Variants in RSF1 observed in about 807,000 individuals in gnomAD.
The protein encoded by RSF1 is HBV pX-associated protein 8.
A neutral mutation model predicts 145.2 loss-of-function variants in RSF1; 13 were observed. The ratio of observed to expected loss-of-function variants is 0.09; its 90% CI spans 0.06 to 0.14. The LOEUF (loss-of-function observed/expected upper bound fraction) is 0.14, where lower values mean the gene tolerates loss of function less well. Ranked by LOEUF, RSF1 falls within the 10% of genes least tolerant of loss-of-function variation. The pLI is 1.00. For missense variants in RSF1, 1,517 were observed against 1,718.2 expected (o/e 0.88, Z 2.07); for synonymous variants, 577 against 592.6 (o/e 0.97, Z 0.38).
Position 77,701,428 on chromosome 11 carries a change from G to C in RSF1, c.1801C>G (p.Gln601Glu). ...TCTTCTGGTATTGGACTCAATCTTTGTGCGTCCTTATCAAGAAAAGTCTTT... is the reference window on the plus strand; with the variant it reads ...TCTTCTGGTATTGGACTCAATCTTTCTGCGTCCTTATCAAGAAAAGTCTTT... ...SKKTFLDKDA[Q>E]RLSPIPEEVP... The change falls in exon 6 of 16, where the codon CAA (glutamine) becomes GAA (glutamate). Residue 601 changes from glutamine (Q) to glutamate (E), a missense_variant. Gln to Glu is a conservative substitution (Grantham distance 29). Transcript: ENST00000308488. 1 of 1,614,070 alleles carries C rather than the reference G, an allele frequency of 6.2e-7. No homozygotes were observed. The highest frequency in any genetic ancestry group is 8.5e-7 in the Non-Finnish European group (1 of 1,179,980).
upstream of RSF1, among the ~76,000 whole-genome samples, chr11:77,825,746 C>T (rs553123152): frequency 6.6e-6 from 1 of 150,682 alleles, no homozygotes; most frequent in Non-Finnish European, 1.5e-5. Context: ...GGCTGGAGTG[C>T]AGTGGCACGA....
chr11:77,687,481 A>T (rs1960041031), intron 9 of RSF1, among the ~76,000 whole-genome samples: 1 of 152,052 alleles, frequency 6.6e-6, no homozygotes, highest in Non-Finnish European at 1.5e-5. Context: ...AACCTTGGGT[A>T]GATCACTTGA....
intron 7 of RSF1, among the ~76,000 whole-genome samples, chr11:77,697,381 T>C (rs66472445): frequency 0.18 from 26,724 of 149,474 alleles, 3,050 homozygotes; most frequent in African/African-American, 0.31. Context: ...CACAGGTGCA[T>C]AGAATTAGGT....
intron 10 of RSF1, 62 bp from the exon 11 acceptor site, chr11:77,683,881 TA>T: frequency 7.7e-7 from 1 of 1,296,254 alleles, no homozygotes; most frequent in South Asian, 1.3e-5. Flanking sequence ...TTCCTTGGGA[TA>T]AACAGTTTTG....
intron 1 of RSF1, among the ~76,000 whole-genome samples, chr11:77,806,488 C>A: frequency 6.6e-6 from 1 of 151,998 alleles, no homozygotes; most frequent in East Asian, 1.9e-4. Flanking sequence ...CCAGCCTGGG[C>A]TACATAGCAA....
At chr11:77,803,315 T>C (rs1948644861) in intron 1 of RSF1, among the ~76,000 whole-genome samples, 1 of 151,932 alleles carries the variant, frequency 6.6e-6, no homozygotes, top group Admixed American at 6.6e-5. Flanking sequence ...ACCCAGCTAA[T>C]TTTTTTATTT....
chr11:77,852,239 A>AAAAAAAAAAAAAAAAAAT, the RSF1 span, among the ~76,000 whole-genome samples: 1 of 133,828 alleles, frequency 7.5e-6, no homozygotes, highest in African/African-American at 2.8e-5. Context: ...AAAAAAAAAA[A>AAAAAAAAAAAAAAAAAAT]AAGAAGAAGA....
intron 2 of RSF1, among the ~76,000 whole-genome samples, chr11:77,757,535 G>A (rs562223036): frequency 1.3e-5 from 2 of 152,194 alleles, no homozygotes; most frequent in East Asian, 3.9e-4. Context: ...AAAATTGGTT[G>A]GGCGAGGTGG....
the RSF1 span, among the ~76,000 whole-genome samples, chr11:77,837,797 C>G: frequency 6.6e-6 from 1 of 152,050 alleles, no homozygotes; most frequent in African/African-American, 2.4e-5. Context: ...TGGCTCATGC[C>G]TATAATGCAA....
At chr11:77,846,167 T>C in the RSF1 span, among the ~76,000 whole-genome samples, 1 of 152,224 alleles carries the variant, frequency 6.6e-6, no homozygotes, top group South Asian at 2.1e-4. Flanking sequence ...GCTTCTGAGG[T>C]CTGCTAATTT....
upstream of RSF1, among the ~76,000 whole-genome samples, chr11:77,821,803 T>C (rs569542391): frequency 1.3e-5 from 2 of 152,274 alleles, no homozygotes; most frequent in South Asian, 4.1e-4. Flanking sequence ...ATGTGCAGCC[T>C]GAGAAGCAGC....
chr11:77,738,297 T>C (rs1961416885), intron 4 of RSF1, among the ~76,000 whole-genome samples: 1 of 152,182 alleles, frequency 6.6e-6, no homozygotes, highest in African/African-American at 2.4e-5. Context: ...AATGTAACTC[T>C]CAGAAAAATT....
At chr11:77,831,481 CTT>C in the RSF1 span, among the ~76,000 whole-genome samples, 1 of 152,152 alleles carries the variant, frequency 6.6e-6, no homozygotes, top group East Asian at 1.9e-4. Flanking sequence ...TTGGCTACTC[CTT>C]GAAATTCTTA....
chr11:77,695,604 T>C (rs1960260866), intron 7 of RSF1, among the ~76,000 whole-genome samples: 1 of 152,180 alleles, frequency 6.6e-6, no homozygotes, highest in Admixed American at 6.5e-5. Flanking sequence ...AGTACTTCCT[T>C]ACTTTCTGGC....
At chr11:77,740,141 C>A (rs1354767182) in intron 4 of RSF1, among the ~76,000 whole-genome samples, 2 of 151,998 alleles carry the variant, frequency 1.3e-5, no homozygotes, top group African/African-American at 4.8e-5. Flanking sequence ...TTTGGGAGGC[C>A]GAGGCGGGTA....
At chr11:77,850,684 AATACATTT>A in the RSF1 span, 31 of 152,300 alleles carry the variant, frequency 2.0e-4, no homozygotes, top group South Asian at 6.0e-3. Context: ...TGAATAATAT[AATACATTT>A]CCATATATCC....
intron 1 of RSF1, among the ~76,000 whole-genome samples, chr11:77,801,686 A>G (rs1038886338): frequency 6.6e-6 from 1 of 151,928 alleles, no homozygotes; most frequent in Admixed American, 6.6e-5. Context: ...TGTTCTAATG[A>G]GGCAACTCTT....
chr11:77,665,794 A>G lies in RSF1; in HGVS notation c.*1123T>C, dbSNP rs972095615. 1 of 152,150 alleles carries G rather than the reference A, an allele frequency of 6.6e-6. No individual in the cohort carries two copies. The highest frequency in any genetic ancestry group is 2.4e-5 in the African/African-American group (1 of 41,422). 9.4% of individuals were successfully genotyped at this position (152,150 alleles called of 1,614,324 possible). A position where few individuals can be genotyped will look rare whatever the true frequency, so the allele number is the denominator to read the frequency against. On this transcript the variant is annotated 3_prime_UTR_variant, in exon 16 of 16. Transcript: ENST00000308488. ...CGCACACGCACACACACAAACACAC[A>G]CACACGCTAAAACTCAAACTAAAAA...
intron 7 of RSF1, among the ~76,000 whole-genome samples, chr11:77,694,072 C>A (rs891966077): frequency 6.6e-6 from 1 of 151,972 alleles, no homozygotes. Context: ...CGTGAGCCAC[C>A]GCGCCCAGCC....
Sources: gnomAD v4.1 joint callset for allele counts (sites outside exome capture counted in the v4.1 genomes callset) on GRCh38, gnomAD v4.1.1 for gene constraint, MANE v1.5 for transcripts, NCBI Gene and HGNC (gene_info 2026-07-23, HGNC 2026-07-21) for gene names.